The following DHX8 variants were observed in gnomAD, a reference collection of about 807,000 sequenced individuals.
The protein encoded by DHX8 is DEAH-box helicase 8.
DHX8 carries 67 observed loss-of-function variants against 140.7 expected under a neutral mutation model. The observed-to-expected ratio is 0.48, with a 90% CI of 0.39 to 0.58. The LOEUF is 0.58. DHX8 is among the 20% of genes least tolerant of loss of function. The pLI is 0.00. For missense variants in DHX8, 887 were observed against 1,550.7 expected (o/e 0.57, Z 7.19); for synonymous variants, 533 against 553.2 (o/e 0.96, Z 0.51).
chr17:43,524,161 G>C lies in DHX8; in HGVS notation c.*314G>C, dbSNP rs1970519201. The C allele has an allele frequency of 1.6e-6, 2 of 1,218,830 alleles. No individual in the cohort carries two copies. The highest frequency in any genetic ancestry group is 2.1e-6 in the Non-Finnish European group (2 of 966,472). 75.5% of individuals were successfully genotyped at this position (1,218,830 alleles called of 1,614,324 possible). ...AGCTCCAGGATGGGAAGGTGGAGTG[G>C]GTGAGCATCTTGTGCAGGGACATGG... On this transcript the variant is annotated 3_prime_UTR_variant, in exon 23 of 23. Transcript: ENST00000262415.
In DHX8 at chr17:43,509,889, G is replaced by A. The variant is rs147783881; in HGVS notation, c.2502+1369G>A. On this transcript the variant is annotated intron_variant, in intron 16 of 22. Transcript: ENST00000262415. ...TCCCCACGTTGGCCGGGCTGGTCTCGAACTCCTGACCTCATGTGATCTGCC... is the reference window on the plus strand; with the variant it reads ...TCCCCACGTTGGCCGGGCTGGTCTCAAACTCCTGACCTCATGTGATCTGCC... Among the ~76,000 whole-genome samples the A allele has an allele frequency of 7.6e-3, 1,162 of 152,168 alleles. 30 individuals are homozygous for A. In the East Asian group the frequency reaches 0.082, roughly 11 times the overall value.
intron 3 of DHX8, chr17:43,543,996 G>A (rs1035819927): frequency 1.3e-5 from 2 of 152,104 alleles, no homozygotes; most frequent in African/African-American, 4.8e-5. Context: ...CAGGGTGGAG[G>A]GATGAGGAGA....
At chr17:43,528,720 GT>G, downstream of DHX8, 4 of 1,614,140 alleles carry the variant, frequency 2.5e-6, no homozygotes, top group Non-Finnish European at 3.4e-6. Flanking sequence ...ACACAAACTT[GT>G]ACACGTAACG....
chr17:43,506,693 T>G (rs896761253), intron 12 of DHX8, among the ~76,000 whole-genome samples: 1 of 152,048 alleles, frequency 6.6e-6, no homozygotes, highest in African/African-American at 2.4e-5. Flanking sequence ...TAGTCCTATA[T>G]CCATAGAAAC....
chr17:43,517,654 C>T (rs761507058), intron 18 of DHX8: 21 of 208,004 alleles, frequency 1.0e-4, no homozygotes, highest in Admixed American at 6.2e-4. Flanking sequence ...ACCTCAACCA[C>T]TTTAGCGCTC....
intron 11 of DHX8, among the ~76,000 whole-genome samples, chr17:43,501,213 A>G (rs1462794547): frequency 6.6e-6 from 1 of 152,154 alleles, no homozygotes; most frequent in African/African-American, 2.4e-5. Context: ...CCCTGGGGAA[A>G]TCGAGACCCA....
intron 3 of DHX8, among the ~76,000 whole-genome samples, chr17:43,539,137 A>T (rs1451533363): frequency 6.6e-6 from 1 of 152,132 alleles, no homozygotes; most frequent in African/African-American, 2.4e-5. Context: ...TCTCTCTGTT[A>T]TTTAAAGCAT....
chr17:43,493,613 C>A (rs534370986), intron 7 of DHX8, 24 bp downstream of exon 7: 1 of 1,614,118 alleles, frequency 6.2e-7, no homozygotes, highest in South Asian at 1.1e-5. Context: ...TCAGCCTGTT[C>A]TTACATGTGA....
Position 43,492,820 on chromosome 17 carries a change from A to G in DHX8, c.643A>G (p.Arg215Gly). 6.2e-7 allele frequency: 1 copy of G among 1,614,158 alleles called. No individual in the cohort carries two copies. The change falls in exon 6 of 23, where the codon AGG becomes GGG. Residue 215 changes from arginine to glycine, a missense_variant. By Grantham distance (125) the Arg-to-Gly change is moderately radical (BLOSUM62 -2). Coordinates refer to ENST00000262415, the MANE Select transcript of DHX8 (RefSeq NM_004941.3). ...RSRSRSRTRERNKVKSRYRSR... is the reference protein window; with the variant it reads ...RSRSRSRTREGNKVKSRYRSR... ...TCGATCACGTTCCAGGACCCGGGAG[A>G]GGAATAAAGTGAAGTCTAGATATCG...
At chr17:43,512,540 A>C (rs1187952348) in intron 16 of DHX8, among the ~76,000 whole-genome samples, 4 of 152,176 alleles carry the variant, frequency 2.6e-5, no homozygotes, top group Non-Finnish European at 5.9e-5. Context: ...GGAAGATGGC[A>C]CTGAGGAGGG....
chr17:43,506,322 C>CA (rs202188668), intron 12 of DHX8, among the ~76,000 whole-genome samples: 1 of 146,626 alleles, frequency 6.8e-6, no homozygotes, highest in Non-Finnish European at 1.5e-5. Flanking sequence ...AACAAACAAA[C>CA]AAAAAAAATT....
chr17:43,529,725 C>G (rs368011026), downstream of DHX8: 2 of 1,591,394 alleles, frequency 1.3e-6, no homozygotes, highest in Non-Finnish European at 1.7e-6. Flanking sequence ...TTTTGGTCCC[C>G]CAAGCAACCG....
chr17:43,486,607 G>T (rs1370622024), intron 1 of DHX8, among the ~76,000 whole-genome samples: 1 of 152,080 alleles, frequency 6.6e-6, no homozygotes, highest in Admixed American at 6.5e-5. Flanking sequence ...GGGACCAGGC[G>T]CAGTGGCTCA....
At chr17:43,527,166 C>T (rs972596044), downstream of DHX8, among the ~76,000 whole-genome samples, 5 of 152,142 alleles carry the variant, frequency 3.3e-5, no homozygotes, top group South Asian at 2.1e-4. Context: ...TTCTACCTAC[C>T]CCCAAAAAAC....
At chr17:43,496,067 C>T in intron 8 of DHX8, 114 bp from the exon 9 acceptor site, 1 of 748,358 alleles carries the variant, frequency 1.3e-6, no homozygotes. Context: ...CACTGCACTT[C>T]AGCCTGGGTG....
intron 9 of DHX8, among the ~76,000 whole-genome samples, chr17:43,496,627 A>G (rs941147340): frequency 3.3e-5 from 5 of 152,048 alleles, no homozygotes; most frequent in African/African-American, 9.7e-5. Flanking sequence ...AAAAAATACA[A>G]AGATTAGCTG....
chr17:43,540,566 T>A (rs1244679241), intron 3 of DHX8, among the ~76,000 whole-genome samples: 1 of 152,186 alleles, frequency 6.6e-6, no homozygotes, highest in Non-Finnish European at 1.5e-5. Flanking sequence ...AAATCTATTA[T>A]AAGGAAGTCT....
intron 12 of DHX8, among the ~76,000 whole-genome samples, chr17:43,505,559 AC>A (rs759485108): frequency 2.0e-5 from 3 of 152,104 alleles, no homozygotes; most frequent in African/African-American, 7.2e-5. Flanking sequence ...ACCAAGTGAG[AC>A]CCCATATCAC....
intron 2 of DHX8, chr17:43,532,654 GC>G: frequency 6.2e-7 from 1 of 1,602,252 alleles, no homozygotes; most frequent in Non-Finnish European, 8.5e-7. Flanking sequence ...ATGCCACCCT[GC>G]CCCACCCCAG....
Sources: allele counts gnomAD v4.1 joint callset (sites outside exome capture counted in the v4.1 genomes callset), GRCh38; gene constraint gnomAD v4.1.1; transcripts MANE v1.5; gene names NCBI Gene and HGNC (gene_info 2026-07-23, HGNC 2026-07-21).